ABR: variants seen among roughly 807,000 people sequenced by gnomAD.
ABR encodes active breakpoint cluster region-related protein.
ABR carries 35 observed loss-of-function variants against 107.2 expected under a neutral mutation model. The observed-to-expected ratio is 0.33, with a 90% CI of 0.25 to 0.43. The LOEUF (loss-of-function observed/expected upper bound fraction) is 0.43, where lower values mean the gene tolerates loss of function less well. Ranked by LOEUF, ABR falls within the 20% of genes least tolerant of loss-of-function variation. The pLI is 1.00. For missense variants in ABR, 815 were observed against 1,115.2 expected, an observed-to-expected ratio of 0.73 and a Z score of 3.83; for synonymous variants, 498 against 462.0, an observed-to-expected ratio of 1.08 and a Z score of -1.00.
At chr17:1,124,021 C>T (rs1047108093) in intron 2 of ABR, among the ~76,000 whole-genome samples, 5 of 152,168 alleles carry the variant, frequency 3.3e-5, no homozygotes, top group Non-Finnish European at 1.5e-5. Flanking sequence ...CCTGGACTGC[C>T]GCTAAACTCG....
chr17:1,151,733 G>C (rs577013181), intron 1 of ABR, among the ~76,000 whole-genome samples: 13 of 152,286 alleles, frequency 8.5e-5, no homozygotes, highest in Non-Finnish European at 1.6e-4. Flanking sequence ...CAACTCTCTG[G>C]CTGCCCGATC....
At chr17:1,109,158 G>GGAGGC in intron 2 of ABR, 35 of 1,381,500 alleles carry the variant, frequency 2.5e-5, no homozygotes, top group Non-Finnish European at 2.7e-5. Flanking sequence ...GGCGGGAGGG[G>GGAGGC]GGGCAGGTCT....
chr17:1,191,354 C>CTTTTTTT (rs761910557), upstream of ABR, among the ~76,000 whole-genome samples: 1,537 of 96,338 alleles, frequency 0.016, 6 homozygotes, highest in Non-Finnish European at 0.023. Flanking sequence ...TTTTTCTTTT[C>CTTTTTTT]TTTTTTTTTT....
At position 1,091,826 on chromosome 17, in the gene ABR, C is replaced by T. The variant is rs1274518801; in HGVS notation, c.370G>A (p.Ala124Thr). 6.8e-6 allele frequency: 11 copies of T among 1,613,142 alleles called. No homozygotes were observed. The highest frequency in any genetic ancestry group is 2.2e-5 in the East Asian group (1 of 44,862). Residue 124 changes from alanine to threonine, a missense_variant, in exon 4 of 23, where the codon GCC becomes ACC. Physicochemically the swap from Ala to Thr is moderately conservative, Grantham distance 58 (BLOSUM62 0). Coordinates refer to ENST00000302538, the MANE Select transcript of ABR (RefSeq NM_021962.5). ...GTGAGCACGGGCTGGGAGGTGGTGG[C>T]GGTGGCCTTCAGGGGTTTCATGGGC... ...LLPMKPLKAT[A>T]TTSQPVLTIQ...
chr17:1,061,074 ACT>A (rs1300183369), intron 10 of ABR, among the ~76,000 whole-genome samples: 1 of 152,072 alleles, frequency 6.6e-6, no homozygotes, highest in Non-Finnish European at 1.5e-5. Context: ...CTCTCCAGTG[ACT>A]CACATGTACC....
intron 2 of ABR, among the ~76,000 whole-genome samples, chr17:1,108,096 C>T (rs1019956326): frequency 1.3e-5 from 2 of 152,234 alleles, no homozygotes; most frequent in Non-Finnish European, 2.9e-5. Context: ...TCTGCAAACT[C>T]CCCGAAACGC....
intron 5 of ABR, among the ~76,000 whole-genome samples, chr17:1,080,869 G>A (rs1399314477): frequency 6.6e-6 from 1 of 152,052 alleles, no homozygotes; most frequent in Admixed American, 6.5e-5. Context: ...TGAAGTCTAG[G>A]GTATGAAATC....
chr17:1,020,545 C>A (rs1462804104), intron 16 of ABR, among the ~76,000 whole-genome samples: 1 of 152,196 alleles, frequency 6.6e-6, no homozygotes, highest in Non-Finnish European at 1.5e-5. Flanking sequence ...TGAAATGGGG[C>A]TCCGTCACCT....
chr17:1,183,521 C>T (rs998995862), upstream of ABR, among the ~76,000 whole-genome samples: 1 of 152,190 alleles, frequency 6.6e-6, no homozygotes, highest in African/African-American at 2.4e-5. Context: ...GCACGTGCTA[C>T]TCACGGCCTC....
intron 16 of ABR, among the ~76,000 whole-genome samples, chr17:1,019,080 G>A (rs1005639934): frequency 1.3e-5 from 2 of 152,138 alleles, no homozygotes; most frequent in African/African-American, 2.4e-5. Context: ...TGTGTGTCCC[G>A]ACCCGGTGGG....
chr17:1,094,947 G>A (rs1311786325), intron 3 of ABR, among the ~76,000 whole-genome samples: 2 of 152,194 alleles, frequency 1.3e-5, no homozygotes, highest in Non-Finnish European at 2.9e-5. Context: ...TGAGCTGAAA[G>A]CTTTGGGGAC....
At chr17:1,204,193 C>G (rs1421264082) in intron 1 of ABR, among the ~76,000 whole-genome samples, 1 of 152,216 alleles carries the variant, frequency 6.6e-6, no homozygotes, top group African/African-American at 2.4e-5. Flanking sequence ...GCCTGTCATC[C>G]CAGCACTTTG....
Position 1,078,749 on chromosome 17 carries a change from C to G in ABR, c.700+581G>C. The stretch of plus-strand genomic sequence containing the variant: ...TCTAACCTCCCCGGCCACATCTAAG[C>G]CCACTCCAGCCGGCCCCCAGAGGTG... On this transcript the variant is annotated intron_variant, in intron 6 of 22. Transcript: ENST00000302538. This position sits in a 1 kb window ranked among gnomAD's most constrained non-coding sequence, Gnocchi z 7.5. The G allele has an allele frequency of 6.7e-7, 1 of 1,502,470 alleles. No individual in the cohort carries two copies. 93.1% of individuals were successfully genotyped at this position (1,502,470 alleles called of 1,614,324 possible).
intron 4 of ABR, among the ~76,000 whole-genome samples, chr17:1,091,194 C>T (rs1433408874): frequency 6.6e-6 from 1 of 152,156 alleles, no homozygotes; most frequent in African/African-American, 2.4e-5. Context: ...TGCCCCTAAC[C>T]CGGCATGTGC....
chr17:1,140,835 G>A (rs940055335), intron 1 of ABR, among the ~76,000 whole-genome samples: 9 of 151,906 alleles, frequency 5.9e-5, no homozygotes, highest in Admixed American at 2.0e-4. Flanking sequence ...CGCCCACCTC[G>A]GCTTCCCAAA....
chr17:1,076,209 A>C (rs1000080101), intron 6 of ABR, among the ~76,000 whole-genome samples: 9 of 152,310 alleles, frequency 5.9e-5, no homozygotes, highest in African/African-American at 1.7e-4. Flanking sequence ...CCACTGGTTT[A>C]CGTAAATACA....
chr17:1,076,729 TG>T (rs1214622660), intron 6 of ABR, among the ~76,000 whole-genome samples: 34 of 13,538 alleles, frequency 2.5e-3, no homozygotes, highest in East Asian at 2.2e-3. Flanking sequence ...GGGGTGGGGG[TG>T]GGGGGGGTGG....
At chr17:1,035,239 G>C (rs570474098) in intron 16 of ABR, among the ~76,000 whole-genome samples, 1 of 151,336 alleles carries the variant, frequency 6.6e-6, no homozygotes, top group Non-Finnish European at 1.5e-5. Context: ...AGCCCACCAC[G>C]GACCCCTCCT....
intron 1 of ABR, among the ~76,000 whole-genome samples, chr17:1,166,917 G>T (rs147267225): frequency 6.6e-6 from 1 of 152,062 alleles, no homozygotes; most frequent in African/African-American, 2.4e-5. Context: ...CAGGAGAATC[G>T]CTTGAACTGG....
Sources: gnomAD v4.1 joint callset for allele counts (sites outside exome capture counted in the v4.1 genomes callset) on GRCh38, gnomAD v4.1.1 for gene constraint, Gnocchi (gnomAD v3.1) non-coding constraint, MANE v1.5 for transcripts, NCBI Gene and HGNC (gene_info 2026-07-23, HGNC 2026-07-21) for gene names.